The following PDE2A variants were observed in gnomAD, a reference collection of about 807,000 sequenced individuals.
PDE2A encodes the protein phosphodiesterase 2A.
Under a neutral mutation model 133.6 loss-of-function variants are expected in PDE2A, and 53 were observed. That is an observed-to-expected ratio of 0.40 (90% CI 0.32 to 0.50). The LOEUF is 0.50. Ranked by LOEUF, PDE2A falls within the 20% of genes least tolerant of loss-of-function variation. The pLI is 0.73. For synonymous variants in PDE2A, 491 were observed against 490.2 expected, an observed-to-expected ratio of 1.00 and a Z score of -0.02; for missense variants, 796 against 1,232.4, an observed-to-expected ratio of 0.65 and a Z score of 5.30.
intron 4 of PDE2A, chr11:72,598,783 G>A (rs758403739): frequency 1.0e-4 from 101 of 985,302 alleles, no homozygotes; most frequent in Non-Finnish European, 1.2e-4. Context: ...AGCTCACGCA[G>A]CATTCTGAAC....
Position 72,589,895 on chromosome 11 carries a change from C to G in PDE2A, c.831+12G>C. ...GCCCCGCCCCCGCTCTACAGTGGAC[C>G]TGGGCCCTCACCTTGCAAGAAAGCT... On this transcript the variant is annotated intron_variant, in intron 10 of 30. Transcript: ENST00000334456. 1 of 1,612,628 alleles carries G rather than the reference C, an allele frequency of 6.2e-7. No individual in the cohort carries two copies. The highest frequency in any genetic ancestry group is 8.5e-7 in the Non-Finnish European group (1 of 1,179,358).
intron 6 of PDE2A, 115 bp downstream of exon 6, chr11:72,596,478 T>TCACACACA (rs1219272782): frequency 5.5e-5 from 13 of 235,528 alleles, no homozygotes; most frequent in South Asian, 4.7e-4. Flanking sequence ...TCTCTCTCTC[T>TCACACACA]CTCTCTCACA....
chr11:72,649,649 C>T (rs1395816746), intron 1 of PDE2A, among the ~76,000 whole-genome samples: 1 of 152,206 alleles, frequency 6.6e-6, no homozygotes, highest in East Asian at 1.9e-4. Flanking sequence ...CATCTGAACC[C>T]CTTTCTGGAG....
At chr11:72,647,584 A>T (rs1372800905) in intron 1 of PDE2A, among the ~76,000 whole-genome samples, 1 of 152,226 alleles carries the variant, frequency 6.6e-6, no homozygotes, top group African/African-American at 2.4e-5. Context: ...CCTGGGCTAG[A>T]GCCCATGGAC....
At chr11:72,588,940 A>G (rs770110850) in intron 12 of PDE2A, 26 bp from the exon 13 acceptor site, 6 of 1,587,748 alleles carry the variant, frequency 3.8e-6, no homozygotes, top group East Asian at 2.3e-5. Context: ...AAGTCAGGGC[A>G]GGGAAGCAGG....
Position 72,590,976 on chromosome 11 carries a change from C to T in PDE2A, c.549+321G>A. ...GGGTTCTTTCTAAGTACAGATGCTC[C>T]TGGACTTAGGATAGGGTTGCTTCCC... On this transcript the variant is annotated intron_variant, in intron 7 of 30. Coordinates refer to ENST00000334456, the MANE Select transcript of PDE2A (RefSeq NM_002599.5). This position sits in a 1 kb window ranked among gnomAD's most constrained non-coding sequence, Gnocchi z 4.8. 2.6e-6 allele frequency: 1 copy of T among 387,586 alleles called. No homozygotes were observed. The highest frequency in any genetic ancestry group is 4.6e-6 in the Non-Finnish European group (1 of 216,190). 24.0% of individuals were successfully genotyped at this position (387,586 alleles called of 1,614,324 possible). A position where few individuals can be genotyped will look rare whatever the true frequency, so the allele number is the denominator to read the frequency against.
chr11:72,579,541 G>C lies in PDE2A; in HGVS notation c.2249C>G (p.Ser750Cys). The C allele has an allele frequency of 6.2e-7, 1 of 1,608,008 alleles. No homozygotes were observed. Among genetic ancestry groups the C allele is most frequent in the Non-Finnish European group, 8.5e-7 (1 of 1,176,030 alleles). ...THGCNIFDHFSRKDYQRMLDL... is the reference protein window; with the variant it reads ...THGCNIFDHFCRKDYQRMLDL... ...CACCCCCAACCCCATCACCTTCCGG[G>C]AGAAATGATCAAAGATGTTGCAGCC... Residue 750 changes from serine to cysteine, a missense_variant, in exon 26 of 31, where the codon TCC (serine) becomes TGC (cysteine). By Grantham distance (112) the Ser-to-Cys change is moderately radical. This residue lies in a region of PDE2A where 218 missense variants were observed against 465.9 expected (regional missense o/e 0.47). Coordinates refer to ENST00000334456, the MANE Select transcript of PDE2A (RefSeq NM_002599.5).
intron 2 of PDE2A, among the ~76,000 whole-genome samples, chr11:72,612,851 T>C (rs556395111): frequency 3.5e-4 from 53 of 152,186 alleles, no homozygotes; most frequent in Non-Finnish European, 6.5e-4. Flanking sequence ...TTAGCTTTCA[T>C]TCACCCCAGG....
intron 4 of PDE2A, chr11:72,598,509 C>G (rs1399841219): frequency 7.8e-7 from 1 of 1,289,088 alleles, no homozygotes; most frequent in Admixed American, 2.3e-5. Flanking sequence ...AATTAAGCAC[C>G]TGAGTTTGCA....
At chr11:72,662,554 A>T (rs1855097128) in intron 1 of PDE2A, among the ~76,000 whole-genome samples, 3 of 152,236 alleles carry the variant, frequency 2.0e-5, no homozygotes, top group Middle Eastern at 6.8e-3. Context: ...GGGGTGGCTT[A>T]TGGGTGCCAT....
At chr11:72,579,507 T>TGCCCCCCCCCCCC in intron 26 of PDE2A, 27 bp downstream of exon 26, 18 of 1,354,126 alleles carry the variant, frequency 1.3e-5, no homozygotes, top group Non-Finnish European at 1.9e-5. Flanking sequence ...TCCCCCTCAA[T>TGCCCCCCCCCCCC]CCCCACCCCA....
rs149853998 is a variant in PDE2A at position 72,626,564 on chromosome 11, G to A, written c.144+15690C>T. Among the ~76,000 whole-genome samples the A allele has an allele frequency of 2.4e-3, 373 of 152,274 alleles. 4 individuals are homozygous for A. The highest frequency in any genetic ancestry group is 8.5e-3 in the African/African-American group (352 of 41,548). On this transcript the variant is annotated intron_variant, in intron 2 of 30. Transcript: ENST00000334456. ...GCCCGAAAAGTGCTGCCTACAGCGC[G>A]GCCCCTCCAGCCTCACCCCAGGACT...
chr11:72,585,489 C>G, intron 15 of PDE2A, 55 bp from the exon 16 acceptor site: 1 of 1,611,050 alleles, frequency 6.2e-7, no homozygotes, highest in Non-Finnish European at 8.5e-7. Context: ...GACCTCCCGC[C>G]TCTCCTCTGC....
chr11:72,578,844 C>A lies in PDE2A; in HGVS notation c.2469+53G>T. ...AGGGTATTCAGGCACAGGGGGCACCCAAAGCTGGGCAGGGTGGGCAGCCTG... is the reference window on the plus strand; with the variant it reads ...AGGGTATTCAGGCACAGGGGGCACCAAAAGCTGGGCAGGGTGGGCAGCCTG... On this transcript the variant is annotated intron_variant, in intron 28 of 30. Transcript: ENST00000334456. The surrounding 1 kb of genome is among the most constrained non-coding windows in gnomAD (Gnocchi z 4.2). 1 of 1,164,954 alleles carries A rather than the reference C, an allele frequency of 8.6e-7. No individual in the cohort carries two copies. The highest frequency in any genetic ancestry group is 1.3e-6 in the Non-Finnish European group (1 of 775,942). 72.2% of individuals were successfully genotyped at this position (1,164,954 alleles called of 1,614,324 possible). A position where few individuals can be genotyped will look rare whatever the true frequency, so the allele number is the denominator to read the frequency against.
intron 2 of PDE2A, among the ~76,000 whole-genome samples, chr11:72,623,599 C>T (rs1347734321): frequency 2.0e-5 from 3 of 152,128 alleles, no homozygotes; most frequent in Admixed American, 6.5e-5. Flanking sequence ...ACATCCAAAA[C>T]AGCTCACTCG....
At chr11:72,640,719 G>A (rs1320494015) in intron 2 of PDE2A, among the ~76,000 whole-genome samples, 1 of 152,026 alleles carries the variant, frequency 6.6e-6, no homozygotes, top group African/African-American at 2.4e-5. Context: ...GGCCCTTCCT[G>A]GCCACACACA....
intron 2 of PDE2A, among the ~76,000 whole-genome samples, chr11:72,621,983 G>A (rs569449028): frequency 1.3e-5 from 2 of 152,216 alleles, no homozygotes; most frequent in South Asian, 4.2e-4. Context: ...AAGAACCCCT[G>A]CAATTCAATA....
chr11:72,640,351 G>A (rs1342502939), intron 2 of PDE2A, among the ~76,000 whole-genome samples: 5 of 151,672 alleles, frequency 3.3e-5, no homozygotes, highest in East Asian at 2.0e-4. Flanking sequence ...CATAGACAGC[G>A]CTGCTGGCCC....
chr11:72,674,029 C>T, intron 1 of PDE2A, 108 bp downstream of exon 1: 1 of 1,108,602 alleles, frequency 9.0e-7, no homozygotes, highest in Non-Finnish European at 1.3e-6. Context: ...TCGATCCTTC[C>T]ACGTGGCTCA....
Sources: allele counts gnomAD v4.1 joint callset (sites outside exome capture counted in the v4.1 genomes callset), GRCh38; gene constraint gnomAD v4.1.1; regional missense constraint gnomAD v4.1.1; non-coding constraint Gnocchi (gnomAD v3.1); transcripts MANE v1.5; gene names NCBI Gene and HGNC (gene_info 2026-07-23, HGNC 2026-07-21).